The following RIT2 variants were observed in gnomAD, a reference collection of about 807,000 sequenced individuals.
The protein encoded by RIT2 is Ras like without CAAX 2, also known as GTP-binding protein Rit2.
A neutral mutation model predicts 23.7 loss-of-function variants in RIT2; 24 were observed. The ratio of observed to expected loss-of-function variants is 1.01; its 90% CI spans 0.73 to 1.43. The LOEUF is 1.43. Ranked by LOEUF, RIT2 falls within the 40% of genes most tolerant of loss-of-function variation. RIT2 has a pLI of 0.00. For missense variants in RIT2, 236 were observed against 266.9 expected (o/e 0.88, Z 0.81); for synonymous variants, 107 against 91.1 (o/e 1.17, Z -0.99).
At chr18:43,031,509 T>C (rs9962206) in intron 2 of RIT2, among the ~76,000 whole-genome samples, 14,294 of 152,112 alleles carry the variant, frequency 0.094, 770 homozygotes, top group Non-Finnish European at 0.11. Context: ...ACCAATCTGC[T>C]TTTCCTTTCT....
chr18:42,903,614 A>T lies in RIT2; in HGVS notation c.426+19958T>A, dbSNP rs542821558. 2.2e-3 allele frequency among the ~76,000 whole-genome samples: 335 copies of T among 152,208 alleles called. 3 individuals are homozygous for T. The highest frequency in any genetic ancestry group is 3.1e-3 in the Non-Finnish European group (210 of 67,984). ...ATTGCCGCTAGAATAGAAAATCTTC[A>T]CTTCAATCCATGACTGCTACCACTA... On this transcript the variant is annotated intron_variant, in intron 4 of 4. Coordinates refer to ENST00000326695, the MANE Select transcript of RIT2 (RefSeq NM_002930.4).
intron 1 of RIT2, among the ~76,000 whole-genome samples, chr18:43,053,346 G>T (rs898610212): frequency 6.6e-6 from 1 of 151,924 alleles, no homozygotes; most frequent in African/African-American, 2.4e-5. Flanking sequence ...CATGCAACTG[G>T]ATTTCAATCC....
At chr18:42,884,728 A>C (rs1207075645) in intron 4 of RIT2, among the ~76,000 whole-genome samples, 3 of 152,208 alleles carry the variant, frequency 2.0e-5, no homozygotes, top group Admixed American at 6.5e-5. Context: ...ATGGGAAAAC[A>C]GAATGCAGAA....
rs76529671 is a variant in RIT2 at position 42,773,036 on chromosome 18, A to C, written c.427-29316T>G. Among the ~76,000 whole-genome samples, 275 of 152,292 alleles carry C rather than the reference A, an allele frequency of 1.8e-3. 1 individual carries two copies. Among genetic ancestry groups the C allele is most frequent in the Middle Eastern group, 3.4e-3 (1 of 294 alleles). On this transcript the variant is annotated intron_variant, in intron 4 of 4. Transcript: ENST00000326695. ...CCAATCAGAGCCATAAACTTAAGCC[A>C]TATTAAAAAGGCCTGTTTCTTTATA...
chr18:42,903,208 G>A (rs1359579395), intron 4 of RIT2, among the ~76,000 whole-genome samples: 2 of 151,872 alleles, frequency 1.3e-5, no homozygotes, highest in Admixed American at 1.3e-4. Context: ...TTCAGAATCT[G>A]ATATAATAAA....
chr18:43,036,694 G>A (rs549397061), intron 1 of RIT2, among the ~76,000 whole-genome samples: 2 of 152,222 alleles, frequency 1.3e-5, no homozygotes, highest in South Asian at 2.1e-4. Flanking sequence ...CTGACCCACC[G>A]CTGAGACAGA....
At chr18:42,791,190 C>T (rs2187252) in intron 4 of RIT2, among the ~76,000 whole-genome samples, 98,512 of 152,078 alleles carry the variant, frequency 0.65, 35,885 homozygotes, top group Middle Eastern at 0.83. Context: ...ATAAGATAAT[C>T]TAATTTTCTT....
At chr18:42,998,895 C>A (rs1382786043) in intron 2 of RIT2, among the ~76,000 whole-genome samples, 1 of 152,014 alleles carries the variant, frequency 6.6e-6, no homozygotes, top group Non-Finnish European at 1.5e-5. Flanking sequence ...TACAAGGTAG[C>A]ATAGACTGTA....
chr18:43,015,926 C>T (rs1911464617), intron 2 of RIT2, among the ~76,000 whole-genome samples: 1 of 151,742 alleles, frequency 6.6e-6, no homozygotes, highest in African/African-American at 2.4e-5. Context: ...ACTTGTAACC[C>T]CTGTCTATCT....
intron 4 of RIT2, among the ~76,000 whole-genome samples, chr18:42,777,133 C>T (rs1452413185): frequency 3.3e-5 from 5 of 151,874 alleles, no homozygotes; most frequent in Admixed American, 6.6e-5. Flanking sequence ...GAATAATGTG[C>T]TATTTACTGA....
intron 4 of RIT2, among the ~76,000 whole-genome samples, chr18:42,915,107 T>C (rs1010190646): frequency 4.0e-5 from 6 of 151,478 alleles, no homozygotes; most frequent in Non-Finnish European, 8.8e-5. Context: ...ATTTACAGTA[T>C]TGTCTTGAAT....
At chr18:42,749,842 A>C (rs144503452) in intron 4 of RIT2, among the ~76,000 whole-genome samples, 4 of 152,006 alleles carry the variant, frequency 2.6e-5, no homozygotes, top group African/African-American at 9.6e-5. Flanking sequence ...TTAAGTCTCT[A>C]TGACCAGAAG....
intron 4 of RIT2, among the ~76,000 whole-genome samples, chr18:42,822,596 AAG>A (rs1207253974): frequency 6.6e-6 from 1 of 152,140 alleles, no homozygotes; most frequent in Non-Finnish European, 1.5e-5. Context: ...ATGGAGTGTC[AAG>A]AGACCTGCAC....
intron 4 of RIT2, among the ~76,000 whole-genome samples, chr18:42,834,907 T>A (rs1477004369): frequency 6.6e-6 from 1 of 152,158 alleles, no homozygotes; most frequent in African/African-American, 2.4e-5. Flanking sequence ...ATTAGTCTCA[T>A]AACAGACATG....
intron 3 of RIT2, among the ~76,000 whole-genome samples, chr18:42,971,868 G>A (rs1042413564): frequency 2.6e-5 from 4 of 152,102 alleles, no homozygotes; most frequent in African/African-American, 9.6e-5. Flanking sequence ...CATTCCATTG[G>A]ACTAAGCAGT....
intron 2 of RIT2, among the ~76,000 whole-genome samples, chr18:43,003,783 C>T (rs545201136): frequency 2.1e-5 from 3 of 141,226 alleles, no homozygotes; most frequent in South Asian, 4.2e-4. Context: ...CACACACACA[C>T]ACACACACAC....
chr18:42,789,747 G>A (rs1364762010), intron 4 of RIT2, among the ~76,000 whole-genome samples: 1 of 152,090 alleles, frequency 6.6e-6, no homozygotes, highest in African/African-American at 2.4e-5. Context: ...GGGTTTCCTA[G>A]ATATAAGATC....
intron 4 of RIT2, among the ~76,000 whole-genome samples, chr18:42,910,530 A>G (rs1908741400): frequency 6.6e-6 from 1 of 152,078 alleles, no homozygotes; most frequent in Non-Finnish European, 1.5e-5. Flanking sequence ...GCTAATGTGT[A>G]CGTATATAAA....
At chr18:42,932,297 C>A (rs1443086095) in intron 3 of RIT2, among the ~76,000 whole-genome samples, 1 of 152,064 alleles carries the variant, frequency 6.6e-6, no homozygotes, top group East Asian at 1.9e-4. Context: ...ACTGTAACCC[C>A]ACGGTCTCCC....
Sources: gnomAD v4.1 joint callset for allele counts (sites outside exome capture counted in the v4.1 genomes callset) on GRCh38, gnomAD v4.1.1 for gene constraint, MANE v1.5 for transcripts, NCBI Gene and HGNC (gene_info 2026-07-23, HGNC 2026-07-21) for gene names.